Variants in RGS3 observed in about 807,000 individuals in gnomAD.
RGS3 encodes the protein regulator of G protein signaling 3.
A neutral mutation model predicts 132.6 loss-of-function variants in RGS3; 80 were observed. The observed-to-expected ratio is 0.60, with a 90% CI of 0.50 to 0.73. RGS3 has a LOEUF of 0.73. RGS3 is among the 30% of genes least tolerant of loss of function. The probability of loss-of-function intolerance (pLI) is 0.00; values close to 1 mark genes in which losing one functional copy is unlikely to be tolerated. For missense variants in RGS3, 1,382 were observed against 1,530.8 expected, an observed-to-expected ratio of 0.90 and a Z score of 1.62; for synonymous variants, 598 against 620.6, an observed-to-expected ratio of 0.96 and a Z score of 0.54.
upstream of RGS3, among the ~76,000 whole-genome samples, chr9:113,459,423 T>C (rs1043374188): frequency 2.0e-5 from 3 of 152,190 alleles, no homozygotes; most frequent in Non-Finnish European, 4.4e-5. Flanking sequence ...ATTTTCAAAT[T>C]TATACAATAA....
At chr9:113,556,546 G>A (rs1034050206) in intron 19 of RGS3, among the ~76,000 whole-genome samples, 2 of 152,118 alleles carry the variant, frequency 1.3e-5, no homozygotes, top group Admixed American at 6.5e-5. Context: ...ATACAAGGTC[G>A]CATAATTAGG....
chr9:113,543,753 C>T (rs1157044505), intron 19 of RGS3, among the ~76,000 whole-genome samples: 1 of 152,194 alleles, frequency 6.6e-6, no homozygotes, highest in Non-Finnish European at 1.5e-5. Flanking sequence ...AGTCTGAATG[C>T]AGCACACAGC....
At chr9:113,571,733 T>C (rs1048855983) in intron 19 of RGS3, among the ~76,000 whole-genome samples, 1 of 152,242 alleles carries the variant, frequency 6.6e-6, no homozygotes, top group Non-Finnish European at 1.5e-5. Context: ...GTCCAATTTG[T>C]TAATCTTTTT....
Position 113,591,396 on chromosome 9 carries a change from C to G in RGS3, c.3079C>G (p.Leu1027Val). ...CTCCCGGAAGAGAAAGAGCAAAAAC[C>G]TGTACGTTGGGAAGATCCCTGGCTT... Residue 1027 changes from leucine (L) to valine (V), a missense_variant and splice_region_variant, in exon 21 of 25, where the codon CTA becomes GTA. By Grantham distance (32) the Leu-to-Val change is conservative. Transcript: ENST00000350696. The surrounding 1 kb of genome is among the most constrained non-coding windows in gnomAD (Gnocchi z 4.4). 6.2e-7 allele frequency: 1 copy of G among 1,613,360 alleles called. No individual in the cohort carries two copies. Among genetic ancestry groups the G allele is most frequent in the Non-Finnish European group, 8.5e-7 (1 of 1,179,694 alleles).
chr9:113,562,852 G>A (rs1199152386), intron 19 of RGS3, among the ~76,000 whole-genome samples: 1 of 152,210 alleles, frequency 6.6e-6, no homozygotes, highest in Non-Finnish European at 1.5e-5. Context: ...TTCCCTCTCT[G>A]GGCCTCAGTT....
intron 10 of RGS3, among the ~76,000 whole-genome samples, chr9:113,504,237 G>A (rs1831034467): frequency 6.6e-6 from 1 of 152,174 alleles, no homozygotes; most frequent in African/African-American, 2.4e-5. Flanking sequence ...GACAAGGCTT[G>A]TGCCCTTGAC....
At position 113,565,956 on chromosome 9, in the gene RGS3, G is replaced by A. The variant is rs1011451409; in HGVS notation, c.2038-17494G>A. Among the ~76,000 whole-genome samples the A allele has an allele frequency of 6.6e-5, 10 of 151,520 alleles. No homozygotes were observed. The highest frequency in any genetic ancestry group is 2.4e-4 in the African/African-American group (10 of 41,148). Reference sequence around the variant, plus strand: ...GTCTCAGGGGCTGGGAGCCCTGCAAGTTTTGGGGGATGCTTCCTCTGTTGG... The same window carrying A: ...GTCTCAGGGGCTGGGAGCCCTGCAAATTTTGGGGGATGCTTCCTCTGTTGG... On this transcript the variant is annotated intron_variant, in intron 19 of 24. Coordinates refer to ENST00000350696, the Ensembl canonical transcript of RGS3. This position sits in a 1 kb window ranked among gnomAD's most constrained non-coding sequence, Gnocchi z 5.7.
chr9:113,583,736 A>T, exon 20 of RGS3: 3 of 1,613,588 alleles, frequency 1.9e-6, no homozygotes, highest in Non-Finnish European at 2.5e-6. Flanking sequence ...CCAGCCCAAG[A>T]CCTCTCACCC....
chr9:113,565,682 G>T lies in RGS3; in HGVS notation c.2038-17768G>T. 3.7e-6 allele frequency: 1 copy of T among 272,970 alleles called. No individual in the cohort carries two copies. Among genetic ancestry groups the T allele is most frequent in the Non-Finnish European group, 7.3e-6 (1 of 136,486 alleles). The allele number at this position is 272,970 out of a possible 1,614,324, so 16.9% of individuals were successfully genotyped here. ...GGTGGAAACCTGGGCGGGCGAGCTG[G>T]CAGGAGCGGCAGCCAGGAGTCGCCT... On this transcript the variant is annotated intron_variant, in intron 19 of 24. Coordinates refer to ENST00000350696, the Ensembl canonical transcript of RGS3. This position sits in a 1 kb window ranked among gnomAD's most constrained non-coding sequence, Gnocchi z 5.7.
In RGS3 at chr9:113,491,172, ATAT is replaced by A. The variant is rs991991752; in HGVS notation, c.690-4607_690-4605del. Among the ~76,000 whole-genome samples the A allele has an allele frequency of 1.9e-3, 281 of 145,794 alleles. 2 individuals carry two copies. The highest frequency in any genetic ancestry group is 1.9e-3 in the Non-Finnish European group (126 of 66,854). On this transcript the variant is annotated intron_variant, in intron 7 of 24. Coordinates refer to ENST00000350696, the Ensembl canonical transcript of RGS3. ...TTTATATATTATATATATTCTTTAT[ATAT>A]TATTATATATTAATTATATGTAAAC...
chr9:113,567,709 C>T lies in RGS3; in HGVS notation c.2038-15741C>T, dbSNP rs540893193. Among the ~76,000 whole-genome samples, 56 of 152,292 alleles carry T rather than the reference C, an allele frequency of 3.7e-4. 1 individual carries two copies. Among genetic ancestry groups the T allele is most frequent in the African/African-American group, 1.2e-3 (48 of 41,562 alleles). On this transcript the variant is annotated intron_variant, in intron 19 of 24. Transcript: ENST00000350696. ...GTCATGCTGGGCTAGGTGGAATTCACAGCATAGCCTGGGCCATGGAGGGTG... is the reference window on the plus strand; with the variant it reads ...GTCATGCTGGGCTAGGTGGAATTCATAGCATAGCCTGGGCCATGGAGGGTG...
intron 16 of RGS3, among the ~76,000 whole-genome samples, chr9:113,521,381 A>G (rs547154000): frequency 2.0e-3 from 306 of 152,354 alleles, no homozygotes; most frequent in Non-Finnish European, 4.0e-3. Flanking sequence ...TGCAAATATA[A>G]TACACATTAA....
intron 1 of RGS3, among the ~76,000 whole-genome samples, chr9:113,445,200 TG>T (rs1189799783): frequency 1.3e-5 from 2 of 151,684 alleles, no homozygotes; most frequent in Non-Finnish European, 2.9e-5. Context: ...TTTTTTTTTT[TG>T]TTTTTTGTTT....
chr9:113,491,974 T>A (rs913367414), intron 7 of RGS3, among the ~76,000 whole-genome samples: 14 of 152,196 alleles, frequency 9.2e-5, no homozygotes, highest in Non-Finnish European at 1.5e-5. Context: ...ATAAATGAGA[T>A]CTCAGTGCCA....
chr9:113,529,173 G>T (rs747175348), intron 17 of RGS3, 48 bp from the exon 16 acceptor site: 1 of 1,476,850 alleles, frequency 6.8e-7, no homozygotes, highest in Non-Finnish European at 9.5e-7. Context: ...AACTGCTGAG[G>T]CTCTTTATCC....
chr9:113,543,396 C>CT (rs764960850), intron 19 of RGS3, among the ~76,000 whole-genome samples: 1 of 152,234 alleles, frequency 6.6e-6, no homozygotes, highest in South Asian at 2.1e-4. Flanking sequence ...ACTCAACAGT[C>CT]TAACAGGGGA....
intron 23 of RGS3, among the ~76,000 whole-genome samples, chr9:113,595,305 A>G (rs897956198): frequency 3.3e-5 from 5 of 152,214 alleles, no homozygotes; most frequent in African/African-American, 4.8e-5. Flanking sequence ...TGTGCCTGCC[A>G]TCTCATGGGC....
At chr9:113,546,990 C>T (rs528161154) in intron 19 of RGS3, among the ~76,000 whole-genome samples, 4 of 152,234 alleles carry the variant, frequency 2.6e-5, no homozygotes, top group African/African-American at 7.2e-5. Flanking sequence ...AGATGGTCTC[C>T]AGGAGTCATC....
chr9:113,492,454 T>A (rs2119261283), intron 7 of RGS3, among the ~76,000 whole-genome samples: 1 of 152,360 alleles, frequency 6.6e-6, no homozygotes, highest in Admixed American at 6.5e-5. Context: ...ATTGCTGTCT[T>A]GAACTGCTAT....
Sources: allele counts gnomAD v4.1 joint callset (sites outside exome capture counted in the v4.1 genomes callset), GRCh38; gene constraint gnomAD v4.1.1; non-coding constraint Gnocchi (gnomAD v3.1); transcripts MANE v1.5; gene names NCBI Gene and HGNC (gene_info 2026-07-23, HGNC 2026-07-21).